ZNF644: variants seen among roughly 807,000 people sequenced by gnomAD.
ZNF644 encodes the protein zinc finger motif enhancer binding protein 2.
A neutral mutation model predicts 108.0 loss-of-function variants in ZNF644; 20 were observed. The observed-to-expected ratio is 0.19, with a 90% CI of 0.13 to 0.27. The LOEUF (loss-of-function observed/expected upper bound fraction) is 0.27, where lower values mean the gene tolerates loss of function less well. Among genes scored for constraint, ZNF644 ranks in the 10% least tolerant of loss-of-function variants. The probability of loss-of-function intolerance (pLI) is 1.00; values close to 1 mark genes in which losing one functional copy is unlikely to be tolerated. For missense variants in ZNF644, 1,338 were observed against 1,548.9 expected, an observed-to-expected ratio of 0.86 and a Z score of 2.29; for synonymous variants, 542 against 539.1, an observed-to-expected ratio of 1.01 and a Z score of -0.08.
Position 90,937,537 on chromosome 1 carries a change from C to T in ZNF644, c.3636G>A (p.Glu1212=), listed in dbSNP as rs149460842. The T allele has an allele frequency of 1.2e-4, 199 of 1,613,884 alleles. No homozygotes were observed. The African/African-American group carries it at 1.9e-3, about 15-fold the overall frequency. The change falls in exon 4 of 6, where the codon GAG becomes GAA. Residue 1212 remains glutamate, a synonymous_variant. Coordinates refer to ENST00000337393, the MANE Select transcript of ZNF644 (RefSeq NM_201269.3). ...FVQKCVLPLN[E]DSPLMYQPQK... is the part of the protein sequence containing the mutation. ...GTGGCTGATACATCAACGGACTATC[C>T]TCATTTAATGGAAGAACGCATTTCT...
At chr1:90,950,306 G>GAA (rs1207272063) in intron 2 of ZNF644, among the ~76,000 whole-genome samples, 8 of 45,122 alleles carry the variant, frequency 1.8e-4, no homozygotes, top group Admixed American at 5.5e-4. Context: ...GGAGGGGAGG[G>GAA]GACAAAAGAA....
At chr1:90,958,290 T>G (rs1042016053) in intron 2 of ZNF644, among the ~76,000 whole-genome samples, 10 of 142,098 alleles carry the variant, frequency 7.0e-5, no homozygotes, top group South Asian at 2.3e-4. Flanking sequence ...AAAAGACTTG[T>G]GCGCTAAAAA....
chr1:90,999,198 C>A (rs1658497810), intron 1 of ZNF644, among the ~76,000 whole-genome samples: 1 of 152,126 alleles, frequency 6.6e-6, no homozygotes, highest in African/African-American at 2.4e-5. Flanking sequence ...GAGAACACCA[C>A]AAAGATACTC....
intron 1 of ZNF644, among the ~76,000 whole-genome samples, chr1:91,006,795 C>T (rs1033271292): frequency 8.5e-6 from 1 of 117,340 alleles, no homozygotes; most frequent in African/African-American, 3.0e-5. Context: ...CTTTCTGGAT[C>T]CCCCCTCTTT....
chr1:90,940,638 T>C lies in ZNF644; in HGVS notation c.716A>G (p.Asn239Ser), dbSNP rs755287833. Residue 239 changes from asparagine (N) to serine (S), a missense_variant, in exon 3 of 6, where the codon AAT becomes AGT. Around this residue, in one of 6 missense-constraint regions of ZNF644, gnomAD observed 464 missense variants for 457.9 expected, o/e 1.01. Coordinates refer to ENST00000337393, the MANE Select transcript of ZNF644 (RefSeq NM_201269.3). ...ACCTGAGGAAATTCCCGTTACTGTA[T>C]TGACACAATCATCTTTCACCAATAA... Reference protein sequence around the residue: ...EDLLVKDDCVNTVTGISSGTD... With the variant: ...EDLLVKDDCVSTVTGISSGTD... The C allele has an allele frequency of 8.7e-6, 14 of 1,613,958 alleles. No homozygotes were observed. The highest frequency in any genetic ancestry group is 6.7e-5 in the African/African-American group (5 of 74,928).
intron 1 of ZNF644, among the ~76,000 whole-genome samples, chr1:91,001,660 A>C (rs2101677045): frequency 6.6e-6 from 1 of 152,322 alleles, no homozygotes; most frequent in East Asian, 1.9e-4. Context: ...ACTCCTATTC[A>C]ACATAGTGTT....
At chr1:90,929,684 A>G (rs1650496858) in intron 4 of ZNF644, among the ~76,000 whole-genome samples, 1 of 152,190 alleles carries the variant, frequency 6.6e-6, no homozygotes, top group African/African-American at 2.4e-5. Flanking sequence ...TTTCCACAAC[A>G]TAAGAATGAC....
chr1:91,019,559 G>A (rs1660711989), intron 1 of ZNF644, among the ~76,000 whole-genome samples: 2 of 152,098 alleles, frequency 1.3e-5, no homozygotes, highest in Admixed American at 1.3e-4. Context: ...GTTAACCACA[G>A]AATATGAAAG....
At chr1:90,921,063 C>T (rs1032453614) in intron 4 of ZNF644, among the ~76,000 whole-genome samples, 1 of 151,932 alleles carries the variant, frequency 6.6e-6, no homozygotes, top group African/African-American at 2.4e-5. Context: ...AAGGGGACAT[C>T]TATATAGGAT....
At chr1:91,001,529 C>T (rs1266378840) in intron 1 of ZNF644, among the ~76,000 whole-genome samples, 10 of 152,114 alleles carry the variant, frequency 6.6e-5, no homozygotes, top group African/African-American at 1.4e-4. Context: ...ATTGATGGGA[C>T]GTATCTCAAA....
intron 1 of ZNF644, among the ~76,000 whole-genome samples, chr1:91,011,321 G>A (rs1354390225): frequency 6.6e-6 from 1 of 152,068 alleles, no homozygotes; most frequent in East Asian, 1.9e-4. Flanking sequence ...ATAAACTCGA[G>A]CATTCACAAT....
At chr1:91,007,573 T>C (rs1659578002) in intron 1 of ZNF644, among the ~76,000 whole-genome samples, 1 of 152,146 alleles carries the variant, frequency 6.6e-6, no homozygotes, top group Admixed American at 6.5e-5. Flanking sequence ...TTTTCTTATT[T>C]TCTCCCACTT....
chr1:91,004,996 T>C (rs1412119431), intron 1 of ZNF644, among the ~76,000 whole-genome samples: 1 of 152,056 alleles, frequency 6.6e-6, no homozygotes, highest in Non-Finnish European at 1.5e-5. Flanking sequence ...TTATTGGTAA[T>C]TATATTAAAT....
chr1:90,965,757 T>C (rs1456819497), intron 2 of ZNF644, among the ~76,000 whole-genome samples: 1 of 152,160 alleles, frequency 6.6e-6, no homozygotes, highest in Non-Finnish European at 1.5e-5. Flanking sequence ...ACTAACTCTC[T>C]CTTTTTTTTG....
At chr1:90,943,527 A>C (rs1288566253) in intron 2 of ZNF644, among the ~76,000 whole-genome samples, 1 of 152,198 alleles carries the variant, frequency 6.6e-6, no homozygotes, top group African/African-American at 2.4e-5. Context: ...ATCTGATCTT[A>C]TTCTTTCCAT....
In ZNF644 at chr1:90,939,438, C is replaced by T. The variant is rs747307518; in HGVS notation, c.1916G>A (p.Ser639Asn). Residue 639 changes from serine to asparagine, a missense_variant, in exon 3 of 6, where the codon AGC becomes AAC. Coordinates refer to ENST00000337393, the MANE Select transcript of ZNF644 (RefSeq NM_201269.3). The part of the protein sequence containing the change: ...DILEEPVDSD[S>N]TKTLTKQQST... ...CTGTTGTTTAGTTAATGTTTTAGTGCTATCACTATCTACAGGTTCTTCAAG... is the reference window on the plus strand; with the variant it reads ...CTGTTGTTTAGTTAATGTTTTAGTGTTATCACTATCTACAGGTTCTTCAAG... 1 of 1,613,866 alleles carries T rather than the reference C, an allele frequency of 6.2e-7. No homozygotes were observed. Among genetic ancestry groups the T allele is most frequent in the Non-Finnish European group, 8.5e-7 (1 of 1,179,902 alleles).
At chr1:90,979,311 A>G (rs987722481) in intron 2 of ZNF644, among the ~76,000 whole-genome samples, 1 of 151,996 alleles carries the variant, frequency 6.6e-6, no homozygotes, top group Non-Finnish European at 1.5e-5. Flanking sequence ...ATCTCTACTT[A>G]AAAAATACAA....
intron 2 of ZNF644, among the ~76,000 whole-genome samples, chr1:90,959,975 G>C (rs970587857): frequency 8.5e-5 from 13 of 152,120 alleles, no homozygotes; most frequent in African/African-American, 2.9e-4. Flanking sequence ...ATCCCACTCA[G>C]AGGGATATAA....
chr1:90,921,440 C>T (rs1460484153), intron 4 of ZNF644, among the ~76,000 whole-genome samples: 2 of 152,036 alleles, frequency 1.3e-5, no homozygotes. Context: ...AAAACCCACA[C>T]ACTCTTTTCT....
Sources: gnomAD v4.1 joint callset for allele counts (sites outside exome capture counted in the v4.1 genomes callset) on GRCh38, gnomAD v4.1.1 for gene constraint, gnomAD v4.1.1 regional missense constraint, MANE v1.5 for transcripts, NCBI Gene and HGNC (gene_info 2026-07-23, HGNC 2026-07-21) for gene names.